Variants in BCKDHB observed in about 807,000 individuals in gnomAD.
BCKDHB encodes 2-oxoisovalerate dehydrogenase subunit beta, mitochondrial.
In BCKDHB, 41 loss-of-function variants were observed where a neutral mutation model predicts 48.5. The observed-to-expected ratio is 0.85, with a 90% CI of 0.66 to 1.10. BCKDHB has a LOEUF of 1.10. BCKDHB is among the 50% of genes least tolerant of loss of function. The pLI is 0.00. For synonymous variants in BCKDHB, 201 were observed against 174.8 expected, an observed-to-expected ratio of 1.15 and a Z score of -1.18; for missense variants, 496 against 494.2, an observed-to-expected ratio of 1.00 and a Z score of -0.03.
At chr6:80,332,923 AAAG>A (rs1020968268) in intron 9 of BCKDHB, among the ~76,000 whole-genome samples, 4 of 57,880 alleles carry the variant, frequency 6.9e-5, no homozygotes, top group Non-Finnish European at 1.4e-4. Context: ...CAAGCACTAA[AAAG>A]AAAAAAAAAA....
intron 9 of BCKDHB, among the ~76,000 whole-genome samples, chr6:80,335,314 G>A (rs985729050): frequency 2.6e-5 from 4 of 151,398 alleles, no homozygotes; most frequent in African/African-American, 9.7e-5. Context: ...ACATTTCTTG[G>A]TGCCAAGCAA....
the BCKDHB span, among the ~76,000 whole-genome samples, chr6:80,376,482 G>A: frequency 6.6e-6 from 1 of 152,220 alleles, no homozygotes; most frequent in Non-Finnish European, 1.5e-5. Context: ...TTCCTCAGCT[G>A]TCCCATGGAA....
chr6:80,313,221 G>T (rs983042123), intron 9 of BCKDHB, among the ~76,000 whole-genome samples: 1 of 152,162 alleles, frequency 6.6e-6, no homozygotes, highest in Non-Finnish European at 1.5e-5. Flanking sequence ...GCATAGAAGT[G>T]TTCATAGTAT....
At chr6:80,144,036 C>T (rs1771348208) in intron 3 of BCKDHB, among the ~76,000 whole-genome samples, 1 of 152,112 alleles carries the variant, frequency 6.6e-6, no homozygotes, top group Admixed American at 6.6e-5. Flanking sequence ...GTAGTATATC[C>T]TTAATCAATA....
At chr6:80,231,484 C>T (rs1775922789) in intron 8 of BCKDHB, among the ~76,000 whole-genome samples, 1 of 152,088 alleles carries the variant, frequency 6.6e-6, no homozygotes, top group African/African-American at 2.4e-5. Context: ...TCCAGTGTGC[C>T]TCTAGAAATG....
intron 8 of BCKDHB, among the ~76,000 whole-genome samples, chr6:80,239,955 G>C (rs1182943715): frequency 6.6e-6 from 1 of 152,086 alleles, no homozygotes. Context: ...CTGTTCCATT[G>C]GTCTATATCT....
At chr6:80,433,083 A>G in the BCKDHB span, among the ~76,000 whole-genome samples, 1 of 152,064 alleles carries the variant, frequency 6.6e-6, no homozygotes, top group Admixed American at 6.5e-5. Flanking sequence ...GCTCTCCTGT[A>G]TGAGGTGTCT....
At position 80,307,865 on chromosome 6, in the gene BCKDHB, T is replaced by C. The variant is rs953964727; in HGVS notation, c.1038+34644T>C. On this transcript the variant is annotated intron_variant, in intron 9 of 9. Transcript: ENST00000320393. Reference sequence around the variant, plus strand: ...GTTTTGGACTACTTAACACTGCAAATGCAACTTCAAATAATTAAATTAAAA... The same window carrying C: ...GTTTTGGACTACTTAACACTGCAAACGCAACTTCAAATAATTAAATTAAAA... 19 of 976,574 alleles carry C rather than the reference T, an allele frequency of 1.9e-5. No individual in the cohort carries two copies. In the East Asian group the frequency reaches 1.3e-3, roughly 64 times the overall value. 60.5% of individuals were successfully genotyped at this position (976,574 alleles called of 1,614,324 possible).
In BCKDHB at chr6:80,122,988, GA is replaced by G. The variant is rs200184613; in HGVS notation, c.197-4557del. 9.8e-3 allele frequency among the ~76,000 whole-genome samples: 937 copies of G among 95,952 alleles called. 6 individuals carry two copies. The highest frequency in any genetic ancestry group is 0.036 in the African/African-American group (882 of 24,532). The allele number at this position is 95,952 out of a possible 152,430, so 62.9% of individuals were successfully genotyped here. On this transcript the variant is annotated intron_variant, in intron 1 of 9. Transcript: ENST00000320393. ...CCCCCCTCCCCCCCGGCCCCCCCAG[GA>G]ATGCATTCCTTTCCCTGGGTATTAA...
chr6:80,221,227 C>A (rs191921847), intron 8 of BCKDHB, among the ~76,000 whole-genome samples: 5 of 152,154 alleles, frequency 3.3e-5, no homozygotes, highest in African/African-American at 1.2e-4. Flanking sequence ...CATTTATCTC[C>A]GCATTGGCTT....
intron 3 of BCKDHB, among the ~76,000 whole-genome samples, chr6:80,164,930 T>C (rs1444844690): frequency 6.6e-6 from 1 of 152,186 alleles, no homozygotes; most frequent in Non-Finnish European, 1.5e-5. Context: ...TGGGAGAAAA[T>C]AGAAACCGAT....
chr6:80,127,610 A>C lies in BCKDHB; in HGVS notation c.260A>C (p.Lys87Thr). 6.2e-7 allele frequency: 1 copy of C among 1,613,136 alleles called. No individual in the cohort carries two copies. The highest frequency in any genetic ancestry group is 8.5e-7 in the Non-Finnish European group (1 of 1,179,214). Residue 87 changes from lysine (K) to threonine (T), a missense_variant, in exon 2 of 10, where the codon AAA (lysine) becomes ACA (threonine). Transcript: ENST00000320393. ...AGTGCCTTGGATAACTCATTGGCCA[A>C]AGATCCTACTGCAGGTAACCCTGAT... Reference protein sequence around the residue: ...VTSALDNSLAKDPTAVIFGED... With the variant: ...VTSALDNSLATDPTAVIFGED...
the BCKDHB span, among the ~76,000 whole-genome samples, chr6:80,431,652 T>A: frequency 2.2e-4 from 34 of 152,206 alleles, no homozygotes; most frequent in African/African-American, 8.2e-4. Context: ...TTCCTGCTTT[T>A]TTTCTGCTTT....
At chr6:80,298,590 C>T (rs1767388555) in intron 9 of BCKDHB, among the ~76,000 whole-genome samples, 2 of 152,136 alleles carry the variant, frequency 1.3e-5, no homozygotes, top group Non-Finnish European at 2.9e-5. Flanking sequence ...GGACTCATTC[C>T]CTAAGCCAGG....
At chr6:80,399,154 A>G in the BCKDHB span, among the ~76,000 whole-genome samples, 2 of 152,144 alleles carry the variant, frequency 1.3e-5, no homozygotes, top group Non-Finnish European at 2.9e-5. Flanking sequence ...CATCATACTC[A>G]ATGGACAAAA....
chr6:80,177,543 G>A (rs549747627), intron 6 of BCKDHB, among the ~76,000 whole-genome samples: 2 of 152,014 alleles, frequency 1.3e-5, no homozygotes, highest in Non-Finnish European at 2.9e-5. Context: ...AAACAAACAT[G>A]AGTGTTTTTC....
intron 9 of BCKDHB, among the ~76,000 whole-genome samples, chr6:80,337,378 A>T (rs935755912): frequency 6.6e-6 from 1 of 152,134 alleles, no homozygotes; most frequent in Admixed American, 6.5e-5. Context: ...TTTAACTCTT[A>T]TACTACTAAT....
chr6:80,167,541 C>T (rs1772636526), intron 3 of BCKDHB, 137 bp from the exon 4 acceptor site: 1 of 950,554 alleles, frequency 1.1e-6, no homozygotes, highest in Non-Finnish European at 1.6e-6. Flanking sequence ...CGTGGCTAGC[C>T]ATACTCTTTA....
At chr6:80,382,900 T>G in the BCKDHB span, among the ~76,000 whole-genome samples, 1 of 152,348 alleles carries the variant, frequency 6.6e-6, no homozygotes, top group Middle Eastern at 3.4e-3. Flanking sequence ...CAGTCATTTG[T>G]TATCTTTGCA....
Sources: allele counts gnomAD v4.1 joint callset (sites outside exome capture counted in the v4.1 genomes callset), GRCh38; gene constraint gnomAD v4.1.1; transcripts MANE v1.5; gene names NCBI Gene and HGNC (gene_info 2026-07-23, HGNC 2026-07-21).